The following PLCE1 variants were observed in gnomAD, a reference collection of about 807,000 sequenced individuals.
The protein encoded by PLCE1 is 1-phosphatidylinositol 4,5-bisphosphate phosphodiesterase epsilon-1.
PLCE1 carries 119 observed loss-of-function variants against 242.8 expected under a neutral mutation model. The observed-to-expected ratio is 0.49, with a 90% CI of 0.42 to 0.57. The LOEUF is 0.57. PLCE1 is among the 20% of genes least tolerant of loss of function. The pLI, the probability that PLCE1 is intolerant of heterozygous loss-of-function variation, is 0.00. For synonymous variants in PLCE1, 945 were observed against 1,017.4 expected (o/e 0.93, Z 1.35); for missense variants, 2,441 against 2,788.8 (o/e 0.88, Z 2.81).
rs562828506 is a variant in PLCE1, at chr10:94,179,976, A to G, written c.1809+8480A>G. 1.4e-4 allele frequency among the ~76,000 whole-genome samples: 22 copies of G among 152,216 alleles called. No individual in the cohort carries two copies. The South Asian group carries it at 4.6e-3, about 32-fold the overall frequency. On this transcript the variant is annotated intron_variant, in intron 4 of 32. Coordinates refer to ENST00000371380, the MANE Select transcript of PLCE1 (RefSeq NM_016341.4). ...CCACTAACATAACAGCATTATTAGA[A>G]TAACTAATGATAATAAATTCCGTTT... is the stretch of plus-strand genomic sequence containing the variant.
rs33974566 is a variant in PLCE1, at chr10:94,110,058, C to CTTTTTTTTT, written c.1207-22102_1207-22094dup. On this transcript the variant is annotated intron_variant, in intron 2 of 32. Coordinates refer to ENST00000371380, the MANE Select transcript of PLCE1 (RefSeq NM_016341.4). The stretch of plus-strand genomic sequence containing the variant: ...AGACCCTTTCCTTTTTTTCTTTTTT[C>CTTTTTTTTT]TTTTTTTTTTTTTTTTTTTTTTGAG... Among the ~76,000 whole-genome samples, 87 of 75,888 alleles carry CTTTTTTTTT rather than the reference C, an allele frequency of 1.1e-3. 6 individuals carry two copies. The highest frequency in any genetic ancestry group is 1.9e-3 in the African/African-American group (36 of 19,156). 49.8% of individuals were successfully genotyped at this position (75,888 alleles called of 152,430 possible). A position where few individuals can be genotyped will look rare whatever the true frequency, so the allele number is the denominator to read the frequency against.
At chr10:94,218,201 C>T (rs1195764873) in intron 4 of PLCE1, among the ~76,000 whole-genome samples, 1 of 152,104 alleles carries the variant, frequency 6.6e-6, no homozygotes, top group African/African-American at 2.4e-5. Context: ...TACAGTTATA[C>T]TTAACACATT....
chr10:93,994,889 A>G (rs573418944), intron 1 of PLCE1, among the ~76,000 whole-genome samples: 6 of 152,326 alleles, frequency 3.9e-5, no homozygotes, highest in Admixed American at 3.9e-4. Flanking sequence ...GTGATTAATC[A>G]GTGTCATTTT....
At chr10:94,097,671 G>T (rs1316565436) in intron 2 of PLCE1, among the ~76,000 whole-genome samples, 1 of 152,232 alleles carries the variant, frequency 6.6e-6, no homozygotes, top group Non-Finnish European at 1.5e-5. Context: ...CAAAATGGGT[G>T]ATTCCAAGTA....
rs1313950181 is a variant in PLCE1 at position 94,313,306 on chromosome 10, A to G, written c.6056A>G (p.His2019Arg). The G allele has an allele frequency of 1.9e-6, 3 of 1,614,180 alleles. No individual in the cohort carries two copies. The highest frequency in any genetic ancestry group is 3.3e-5 in the Admixed American group (2 of 60,020). Reference protein sequence around the residue: ...KCLQTHRVTVHGVPGPEPFTV... With the variant: ...KCLQTHRVTVRGVPGPEPFTV... Reference sequence around the variant, plus strand: ...TTGCAGACTCACAGAGTCACGGTGCATGGGGTCCCAGGGCCAGAGCCCTTT... The same window carrying G: ...TTGCAGACTCACAGAGTCACGGTGCGTGGGGTCCCAGGGCCAGAGCCCTTT... Residue 2019 changes from histidine (H) to arginine (R), a missense_variant, in exon 28 of 33, where the codon CAT becomes CGT. Transcript: ENST00000371380.
intron 4 of PLCE1, among the ~76,000 whole-genome samples, chr10:94,179,628 C>T (rs1024465350): frequency 3.3e-5 from 5 of 150,180 alleles, no homozygotes; most frequent in Non-Finnish European, 7.4e-5. Context: ...ACCTCAGCCT[C>T]CCAAATAGTT....
chr10:94,212,941 T>C (rs1436790420), intron 4 of PLCE1, among the ~76,000 whole-genome samples: 1 of 152,204 alleles, frequency 6.6e-6, no homozygotes, highest in East Asian at 1.9e-4. Context: ...CTGCAGAGGG[T>C]TGCCGCATAT....
chr10:94,259,145 A>G lies in PLCE1; in HGVS notation c.3809A>G (p.Asp1270Gly). The G allele has an allele frequency of 6.2e-7, 1 of 1,614,042 alleles. No individual in the cohort carries two copies. Among genetic ancestry groups the G allele is most frequent in the Non-Finnish European group, 8.5e-7 (1 of 1,179,970 alleles). Residue 1270 changes from aspartate to glycine, a missense_variant, in exon 13 of 33, where the codon GAC becomes GGC. Asp to Gly is a moderately conservative substitution (Grantham distance 94). Transcript: ENST00000371380. ...IDENTSDLQPDLDLLTRNVSD... is the reference protein window; with the variant it reads ...IDENTSDLQPGLDLLTRNVSD... ...GAAAACACCAGCGATCTTCAGCCTG[A>G]CCTAGGTTTGTTGAACATTTTAGGA...
rs918075400 is a variant in PLCE1 at position 94,328,174 on chromosome 10, A to C, written c.*231A>C. 6.8e-6 allele frequency: 2 copies of C among 294,870 alleles called. No individual in the cohort carries two copies. The highest frequency in any genetic ancestry group is 4.4e-5 in the African/African-American group (2 of 45,616). 18.3% of individuals were successfully genotyped at this position (294,870 alleles called of 1,614,324 possible). A position where few individuals can be genotyped will look rare whatever the true frequency, so the allele number is the denominator to read the frequency against. ...GAAGCCCAGGGGACTGCCATTTTAT[A>C]AATGTCAGCAGTTGGAAAAATCGTC... On this transcript the variant is annotated 3_prime_UTR_variant, in exon 33 of 33. Coordinates refer to ENST00000371380, the MANE Select transcript of PLCE1 (RefSeq NM_016341.4).
At chr10:94,077,758 C>T (rs932635986) in intron 2 of PLCE1, among the ~76,000 whole-genome samples, 2 of 152,094 alleles carry the variant, frequency 1.3e-5, no homozygotes, top group African/African-American at 4.8e-5. Flanking sequence ...CAGAGCAAGA[C>T]ACTGTTTCAA....
chr10:94,132,145 A>G, intron 2 of PLCE1, 29 bp from the exon 3 acceptor site: 1 of 1,609,054 alleles, frequency 6.2e-7, no homozygotes, highest in Non-Finnish European at 8.5e-7. Flanking sequence ...AACTAGATTA[A>G]TACTTCCTGT....
At chr10:94,223,140 G>A in intron 4 of PLCE1, among the ~76,000 whole-genome samples, 1 of 146,796 alleles carries the variant, frequency 6.8e-6, no homozygotes, top group Non-Finnish European at 1.5e-5. Flanking sequence ...TGGATCAACT[G>A]TAATGCCAAT....
At chr10:94,322,468 T>C (rs531365178) in intron 30 of PLCE1, among the ~76,000 whole-genome samples, 1 of 151,950 alleles carries the variant, frequency 6.6e-6, no homozygotes, top group South Asian at 2.1e-4. Flanking sequence ...ATGGCTGACA[T>C]GGCAAAACCC....
intron 2 of PLCE1, among the ~76,000 whole-genome samples, chr10:94,087,915 G>A (rs144333508): frequency 0.017 from 2,564 of 152,330 alleles, 88 homozygotes; most frequent in Admixed American, 0.082. Flanking sequence ...CCAGGAGCTC[G>A]GATACTGGCA....
At chr10:94,028,521 C>A (rs1490828985) in intron 1 of PLCE1, among the ~76,000 whole-genome samples, 1 of 152,138 alleles carries the variant, frequency 6.6e-6, no homozygotes, top group Non-Finnish European at 1.5e-5. Context: ...AGGGAAGCCA[C>A]TAAGTATAAC....
Position 94,230,743 on chromosome 10 carries a change from G to C in PLCE1, c.1955+3292G>C, listed in dbSNP as rs913191309. On this transcript the variant is annotated intron_variant, in intron 5 of 32. Coordinates refer to ENST00000371380, the MANE Select transcript of PLCE1 (RefSeq NM_016341.4). ...TCCCACTTTGGCTTCCAAGTAGCTA[G>C]GTCTACAAGGAGTGTACCAGCACAA... Among the ~76,000 whole-genome samples the C allele has an allele frequency of 1.3e-4, 20 of 152,228 alleles. 1 individual carries two copies. Among genetic ancestry groups the C allele is most frequent in the African/African-American group, 4.8e-4 (20 of 41,562 alleles).
At chr10:94,189,238 A>G (rs2048585106) in intron 4 of PLCE1, among the ~76,000 whole-genome samples, 1 of 148,970 alleles carries the variant, frequency 6.7e-6, no homozygotes, top group Admixed American at 6.7e-5. Flanking sequence ...ACTACTAAAG[A>G]CTATATATAG....
At chr10:94,230,674 G>A (rs1263154559) in intron 5 of PLCE1, among the ~76,000 whole-genome samples, 22 of 152,088 alleles carry the variant, frequency 1.4e-4, no homozygotes, top group Admixed American at 1.4e-3. Flanking sequence ...GCAGGAGCAA[G>A]ATCATAGCTC....
At chr10:94,070,536 G>A (rs1159305932) in intron 2 of PLCE1, among the ~76,000 whole-genome samples, 1 of 152,094 alleles carries the variant, frequency 6.6e-6, no homozygotes, top group African/African-American at 2.4e-5. Flanking sequence ...CCTCTCAGCT[G>A]GCCCCTTCTC....
Sources: allele counts gnomAD v4.1 joint callset (sites outside exome capture counted in the v4.1 genomes callset), GRCh38; gene constraint gnomAD v4.1.1; transcripts MANE v1.5; gene names NCBI Gene and HGNC (gene_info 2026-07-23, HGNC 2026-07-21).